The following PTPN2 variants were observed in gnomAD, a reference collection of about 807,000 sequenced individuals.
PTPN2 encodes protein tyrosine phosphatase non-receptor type 2.
Under a neutral mutation model 57.3 loss-of-function variants are expected in PTPN2, and 19 were observed. The observed-to-expected ratio is 0.33, with a 90% confidence interval of 0.23 to 0.49. The LOEUF (loss-of-function observed/expected upper bound fraction) is 0.49. PTPN2 is among the 20% of genes least tolerant of loss of function. PTPN2 has a pLI of 0.99. For missense variants in PTPN2, 358 were observed against 501.1 expected, an observed-to-expected ratio of 0.71 and a Z score of 2.73; for synonymous variants, 153 against 164.9, an observed-to-expected ratio of 0.93 and a Z score of 0.55.
intron 5 of PTPN2, among the ~76,000 whole-genome samples, chr18:12,818,315 C>A (rs1322080560): frequency 6.6e-6 from 1 of 152,126 alleles, no homozygotes; most frequent in African/African-American, 2.4e-5. Context: ...AAGAAACGAT[C>A]TTTATATTTT....
intron 8 of PTPN2, among the ~76,000 whole-genome samples, chr18:12,797,218 G>A (rs1270402904): frequency 6.6e-6 from 1 of 152,100 alleles, no homozygotes; most frequent in Non-Finnish European, 1.5e-5. Flanking sequence ...CTTTTGCCAG[G>A]AGCCTGGGGG....
At chr18:12,874,606 G>A (rs1449016407) in intron 1 of PTPN2, among the ~76,000 whole-genome samples, 27 of 130,060 alleles carry the variant, frequency 2.1e-4, no homozygotes, top group African/African-American at 4.5e-4. Flanking sequence ...CCCCCCGCCC[G>A]GCCAGCCGCC....
intron 8 of PTPN2, among the ~76,000 whole-genome samples, chr18:12,799,122 G>T (rs542490941): frequency 6.6e-6 from 1 of 152,158 alleles, no homozygotes; most frequent in African/African-American, 2.4e-5. Context: ...TATTTCTTTT[G>T]AAAGTTGAAA....
intron 1 of PTPN2, among the ~76,000 whole-genome samples, chr18:12,879,769 C>T (rs2044607875): frequency 6.6e-6 from 1 of 152,218 alleles, no homozygotes; most frequent in Admixed American, 6.5e-5. Context: ...AGTTCTCCTA[C>T]CACTAAGCAA....
chr18:12,870,667 C>T lies in PTPN2; in HGVS notation c.70-11413G>A, dbSNP rs1378297729. ...GGGACTACAGGCGCCCGCAACCACG[C>T]CCGGCTACTTTTTTTGTGTTTTTAG... is the stretch of plus-strand genomic sequence containing the variant. On this transcript the variant is annotated intron_variant, in intron 1 of 8. Transcript: ENST00000309660. Among the ~76,000 whole-genome samples the T allele has an allele frequency of 8.7e-5, 13 of 150,250 alleles. No individual in the cohort carries two copies. In the Admixed American group the frequency reaches 8.7e-4, roughly 10 times the overall value.
At chr18:12,849,450 T>C (rs1476457599) in intron 2 of PTPN2, among the ~76,000 whole-genome samples, 3 of 151,998 alleles carry the variant, frequency 2.0e-5, no homozygotes, top group Non-Finnish European at 4.4e-5. Flanking sequence ...TACAAACTAC[T>C]TGGGAGGCTG....
intron 6 of PTPN2, 137 bp downstream of exon 6, chr18:12,817,019 A>T: frequency 1.3e-6 from 1 of 769,686 alleles, no homozygotes; most frequent in Non-Finnish European, 2.1e-6. Flanking sequence ...TGAGATTTTT[A>T]GGTTTTTCCA....
intron 5 of PTPN2, among the ~76,000 whole-genome samples, chr18:12,822,463 C>A (rs555257408): frequency 1.3e-5 from 2 of 152,290 alleles, no homozygotes; most frequent in Admixed American, 6.5e-5. Flanking sequence ...CCACAGGCCA[C>A]ACTGAAAGCC....
intron 8 of PTPN2, among the ~76,000 whole-genome samples, chr18:12,800,119 C>CA (rs1400428125): frequency 6.6e-6 from 1 of 152,170 alleles, no homozygotes; most frequent in Non-Finnish European, 1.5e-5. Context: ...TAAACACACA[C>CA]ACAGACCCCA....
intron 7 of PTPN2, among the ~76,000 whole-genome samples, chr18:12,805,771 AG>A (rs1359350932): frequency 6.6e-6 from 1 of 151,474 alleles, no homozygotes; most frequent in Non-Finnish European, 1.5e-5. Context: ...CTGGGACTAC[AG>A]GCGCGTGCCA....
At chr18:12,832,717 C>T (rs941324425) in intron 3 of PTPN2, among the ~76,000 whole-genome samples, 1 of 152,140 alleles carries the variant, frequency 6.6e-6, no homozygotes, top group Non-Finnish European at 1.5e-5. Context: ...TAGCAATTTG[C>T]CAGTGAGGTT....
At chr18:12,816,468 G>T (rs2042078478) in intron 6 of PTPN2, among the ~76,000 whole-genome samples, 1 of 152,156 alleles carries the variant, frequency 6.6e-6, no homozygotes, top group South Asian at 2.1e-4. Context: ...TGTTGGGTTT[G>T]ATCCTATAAT....
chr18:12,817,345 T>A lies in PTPN2; in HGVS notation c.516A>T (p.Ile172=). 2 of 1,611,464 alleles carry A rather than the reference T, an allele frequency of 1.2e-6. No individual in the cohort carries two copies. The highest frequency in any genetic ancestry group is 1.7e-6 in the Non-Finnish European group (2 of 1,177,608). ...ENINSGETRT[I]SHFHYTTWPD... is the part of the protein sequence containing the mutation. ...GCCAGGTAGTATAATGAAAGTGAGA[T>A]ATTGTTCTGGTTTCACCACTCTAAA... Residue 172 remains isoleucine, a synonymous_variant, in exon 6 of 9, where the codon ATA becomes ATT. Coordinates refer to ENST00000309660, the MANE Select transcript of PTPN2 (RefSeq NM_002828.4).
chr18:12,797,264 T>C (rs2041226926), intron 8 of PTPN2, among the ~76,000 whole-genome samples: 1 of 152,142 alleles, frequency 6.6e-6, no homozygotes, highest in Non-Finnish European at 1.5e-5. Flanking sequence ...ATATAATCTT[T>C]AACGTATTAT....
chr18:12,873,944 C>T (rs1248509522), intron 1 of PTPN2, among the ~76,000 whole-genome samples: 2 of 151,938 alleles, frequency 1.3e-5, no homozygotes, highest in Admixed American at 6.5e-5. Flanking sequence ...GTCGCGACCC[C>T]GTCTGGGAGG....
In PTPN2 at chr18:12,792,163, T is replaced by C. The variant is rs1379707617; in HGVS notation, c.*2115A>G. The C allele has an allele frequency of 1.2e-6, 1 of 861,868 alleles. No individual in the cohort carries two copies. Among genetic ancestry groups the C allele is most frequent in the Non-Finnish European group, 1.4e-6 (1 of 716,912 alleles). The allele number at this position is 861,868 out of a possible 1,614,324, so 53.4% of individuals were successfully genotyped here. The stretch of plus-strand genomic sequence containing the variant: ...AGGACACAGGCACATGTTATATAAA[T>C]CTTATTTAATATGTAGTACCACCTA... On this transcript the variant is annotated 3_prime_UTR_variant, in exon 9 of 9. Coordinates refer to ENST00000309660, the MANE Select transcript of PTPN2 (RefSeq NM_002828.4).
Position 12,793,157 on chromosome 18 carries a change from T to C in PTPN2, c.*1121A>G. Reference sequence around the variant, plus strand: ...ACAAATTAAACACTGAATGGAATGTTGAAATCTGAGGAAAGCTAGCATTCA... The same window carrying C: ...ACAAATTAAACACTGAATGGAATGTCGAAATCTGAGGAAAGCTAGCATTCA... On this transcript the variant is annotated 3_prime_UTR_variant, in exon 9 of 9. Transcript: ENST00000309660. 2.0e-6 allele frequency: 2 copies of C among 985,360 alleles called. No homozygotes were observed. The highest frequency in any genetic ancestry group is 2.4e-6 in the Non-Finnish European group (2 of 829,764). 61.0% of individuals were successfully genotyped at this position (985,360 alleles called of 1,614,324 possible). A position where few individuals can be genotyped will look rare whatever the true frequency, so the allele number is the denominator to read the frequency against.
intron 8 of PTPN2, 103 bp downstream of exon 8, chr18:12,801,867 T>A: frequency 9.0e-7 from 1 of 1,106,132 alleles, no homozygotes; most frequent in Non-Finnish European, 1.3e-6. Flanking sequence ...ATTTTCCTAA[T>A]ATAAAAATTA....
At chr18:12,800,842 G>A (rs1159111090) in intron 8 of PTPN2, among the ~76,000 whole-genome samples, 3 of 152,152 alleles carry the variant, frequency 2.0e-5, no homozygotes, top group African/African-American at 7.2e-5. Flanking sequence ...CTTATACCAG[G>A]TTATCAGCTT....
Sources: allele counts gnomAD v4.1 joint callset (sites outside exome capture counted in the v4.1 genomes callset), GRCh38; gene constraint gnomAD v4.1.1; transcripts MANE v1.5; gene names NCBI Gene and HGNC (gene_info 2026-07-23, HGNC 2026-07-21).